Variants in PCSK2 observed in about 807,000 individuals in gnomAD.
PCSK2 encodes the protein proprotein convertase subtilisin/kexin type 2.
PCSK2 carries 14 observed loss-of-function variants against 69.7 expected under a neutral mutation model. That is an observed-to-expected ratio of 0.20 (90% CI 0.13 to 0.31). PCSK2 has a LOEUF of 0.31. PCSK2 is among the 10% of genes least tolerant of loss of function. The pLI is 1.00. For synonymous variants in PCSK2, 307 were observed against 320.7 expected (o/e 0.96, Z 0.46); for missense variants, 544 against 842.5 (o/e 0.65, Z 4.39).
At chr20:17,425,471 G>C (rs1482437294) in intron 6 of PCSK2, among the ~76,000 whole-genome samples, 1 of 152,106 alleles carries the variant, frequency 6.6e-6, no homozygotes, top group African/African-American at 2.4e-5. Context: ...ATCTCTTTTT[G>C]TGGGATCCTT....
chr20:17,472,558 C>T (rs1347288992), intron 11 of PCSK2, among the ~76,000 whole-genome samples: 1 of 152,118 alleles, frequency 6.6e-6, no homozygotes, highest in Non-Finnish European at 1.5e-5. Flanking sequence ...AAAACAATCA[C>T]AGCCTTATAA....
At chr20:17,300,290 C>G (rs1989034572) in intron 2 of PCSK2, among the ~76,000 whole-genome samples, 1 of 152,204 alleles carries the variant, frequency 6.6e-6, no homozygotes, top group African/African-American at 2.4e-5. Context: ...GTCTATTGAA[C>G]CCAGTGTGTG....
chr20:17,423,174 A>T (rs969728638), intron 6 of PCSK2, among the ~76,000 whole-genome samples: 11 of 152,196 alleles, frequency 7.2e-5, no homozygotes, highest in Admixed American at 7.2e-4. Flanking sequence ...GTTGAGTCAG[A>T]GCTTGATTTT....
intron 1 of PCSK2, among the ~76,000 whole-genome samples, chr20:17,242,053 G>A (rs551018767): frequency 5.3e-5 from 8 of 152,286 alleles, no homozygotes; most frequent in African/African-American, 1.9e-4. Context: ...TCAGTTCTTA[G>A]GGGGTACATC....
At chr20:17,459,363 G>T (rs2032975831) in intron 10 of PCSK2, among the ~76,000 whole-genome samples, 1 of 152,192 alleles carries the variant, frequency 6.6e-6, no homozygotes, top group African/African-American at 2.4e-5. Flanking sequence ...GCTACTATGA[G>T]TGATATTGTT....
intron 11 of PCSK2, 45 bp from the exon 12 acceptor site, chr20:17,481,539 G>T (rs763526712): frequency 1.3e-6 from 2 of 1,579,900 alleles, no homozygotes; most frequent in South Asian, 2.4e-5. Context: ...CTTGTAAGGT[G>T]CACCCACCAC....
intron 6 of PCSK2, among the ~76,000 whole-genome samples, chr20:17,426,928 G>C (rs903404805): frequency 6.6e-6 from 1 of 152,164 alleles, no homozygotes; most frequent in South Asian, 2.1e-4. Flanking sequence ...ATACCTCGTG[G>C]CCCAGCCATA....
intron 2 of PCSK2, among the ~76,000 whole-genome samples, chr20:17,298,946 G>A (rs551146540): frequency 1.3e-5 from 2 of 151,982 alleles, no homozygotes; most frequent in Non-Finnish European, 2.9e-5. Flanking sequence ...TATTCCTATA[G>A]TCTATGATGC....
chr20:17,264,065 T>A (rs544739261), intron 2 of PCSK2, among the ~76,000 whole-genome samples: 197 of 152,288 alleles, frequency 1.3e-3, no homozygotes, highest in African/African-American at 4.5e-3. Context: ...TACAAGTACC[T>A]GAAAAGCTTC....
intron 5 of PCSK2, among the ~76,000 whole-genome samples, chr20:17,404,187 C>A (rs1186316985): frequency 6.6e-6 from 1 of 152,196 alleles, no homozygotes; most frequent in Non-Finnish European, 1.5e-5. Context: ...ACAACCTGCA[C>A]AACTGTACAC....
At position 17,242,936 on chromosome 20, in the gene PCSK2, A is replaced by G. The variant is rs370860665; in HGVS notation, c.177+15454A>G. On this transcript the variant is annotated intron_variant, in intron 1 of 11. Coordinates refer to ENST00000262545, the MANE Select transcript of PCSK2 (RefSeq NM_002594.5). ...GTTTCTCATTGGTGGGTTTTATGGG[A>G]CAGCATATGATTTTCTGTGCATCCA... is the stretch of plus-strand genomic sequence containing the variant. Among the ~76,000 whole-genome samples the G allele has an allele frequency of 3.9e-5, 6 of 152,220 alleles. No individual in the cohort carries two copies. In the East Asian group the frequency reaches 5.8e-4, roughly 15 times the overall value.
chr20:17,415,952 T>C (rs2031989986), intron 6 of PCSK2, among the ~76,000 whole-genome samples: 1 of 152,234 alleles, frequency 6.6e-6, no homozygotes, highest in Non-Finnish European at 1.5e-5. Flanking sequence ...TAAATGGTGC[T>C]GGCAAAACTG....
intron 5 of PCSK2, among the ~76,000 whole-genome samples, chr20:17,389,419 T>G (rs1395033704): frequency 6.6e-6 from 1 of 151,846 alleles, no homozygotes; most frequent in Non-Finnish European, 1.5e-5. Context: ...CATTCCAATA[T>G]CAATATAGGG....
chr20:17,281,743 C>G (rs956204538), intron 2 of PCSK2, among the ~76,000 whole-genome samples: 3 of 152,128 alleles, frequency 2.0e-5, no homozygotes, highest in Non-Finnish European at 2.9e-5. Context: ...CCATGGCCAG[C>G]CTATGCAGCA....
chr20:17,357,563 T>G (rs145205083), intron 2 of PCSK2, among the ~76,000 whole-genome samples: 267 of 152,330 alleles, frequency 1.8e-3, no homozygotes, highest in African/African-American at 5.8e-3. Context: ...CATTGTTTTA[T>G]TTCACTTAAT....
rs548871766 is a variant in PCSK2 at position 17,455,549 on chromosome 20, T to C, written c.1102-799T>C. On this transcript the variant is annotated intron_variant, in intron 9 of 11. Coordinates refer to ENST00000262545, the MANE Select transcript of PCSK2 (RefSeq NM_002594.5). ...AACATGTTTTAATAGCCTGCCCTTC[T>C]AGAGAGACTTTAGCTGAGCATGTTG... Among the ~76,000 whole-genome samples, 12 of 152,364 alleles carry C rather than the reference T, an allele frequency of 7.9e-5. No homozygotes were observed. The South Asian group carries it at 2.5e-3, about 32-fold the overall frequency.
At chr20:17,480,654 T>C (rs969186757) in intron 11 of PCSK2, among the ~76,000 whole-genome samples, 45 of 152,116 alleles carry the variant, frequency 3.0e-4, no homozygotes, top group Admixed American at 2.1e-3. Context: ...TTTTGAGAAA[T>C]GATCCCAGGT....
At chr20:17,395,405 A>C (rs913506891) in intron 5 of PCSK2, among the ~76,000 whole-genome samples, 5 of 152,174 alleles carry the variant, frequency 3.3e-5, no homozygotes, top group Non-Finnish European at 5.9e-5. Flanking sequence ...CAAGGTGTTC[A>C]CAGTCTTGTA....
At position 17,306,209 on chromosome 20, in the gene PCSK2, G is replaced by A. The variant is rs76325614; in HGVS notation, c.282+45865G>A. On this transcript the variant is annotated intron_variant, in intron 2 of 11. Transcript: ENST00000262545. ...TGTGAATTCCTGTAGTTCCTCAGTCGTTTCTTGGTTTGTAGATAAATTATC... is the reference window on the plus strand; with the variant it reads ...TGTGAATTCCTGTAGTTCCTCAGTCATTTCTTGGTTTGTAGATAAATTATC... Among the ~76,000 whole-genome samples, 773 of 152,178 alleles carry A rather than the reference G, an allele frequency of 5.1e-3. 6 individuals carry two copies. The highest frequency in any genetic ancestry group is 0.023 in the East Asian group (119 of 5,172).
Sources: allele counts gnomAD v4.1 joint callset (sites outside exome capture counted in the v4.1 genomes callset), GRCh38; gene constraint gnomAD v4.1.1; transcripts MANE v1.5; gene names NCBI Gene and HGNC (gene_info 2026-07-23, HGNC 2026-07-21).